CNTLN: variants seen among roughly 807,000 people sequenced by gnomAD.
The protein encoded by CNTLN is centlein, centrosomal protein.
Under a neutral mutation model 180.0 loss-of-function variants are expected in CNTLN, and 212 were observed. The ratio of observed to expected loss-of-function variants is 1.18; its 90% CI spans 1.05 to 1.32. The LOEUF is 1.32. CNTLN is among the 40% of genes most tolerant of loss of function. The pLI is 0.00. For missense variants in CNTLN, 2,095 were observed against 1,610.9 expected (o/e 1.30, Z -5.14); for synonymous variants, 722 against 563.1 (o/e 1.28, Z -3.99).
At chr9:17,452,270 T>G (rs1830830166) in intron 18 of CNTLN, among the ~76,000 whole-genome samples, 1 of 152,200 alleles carries the variant, frequency 6.6e-6, no homozygotes, top group Admixed American at 6.5e-5. Context: ...AACATTAAAA[T>G]GTTTACCAGG....
intron 15 of CNTLN, 112 bp downstream of exon 15, chr9:17,395,181 T>G: frequency 7.1e-7 from 1 of 1,406,726 alleles, no homozygotes; most frequent in Non-Finnish European, 9.4e-7. Context: ...GAAAAAATAC[T>G]GTCAGATCCT....
intron 13 of CNTLN, among the ~76,000 whole-genome samples, chr9:17,375,871 C>T (rs886422330): frequency 3.3e-5 from 5 of 152,072 alleles, no homozygotes; most frequent in African/African-American, 1.2e-4. Flanking sequence ...AACTATATTT[C>T]GTATATAACT....
At position 17,394,675 on chromosome 9, in the gene CNTLN, A is replaced by T. The variant is rs1192502033; in HGVS notation, c.2221A>T (p.Lys741Ter). ...ACAAGAAGATACAGAGACCAGAGAA[A>T]AAGAGCTAGAACAGATAATAAAGGG... ...QQQEDTETRE[K>*]ELEQIIKGSK... The change falls in exon 15 of 26, where the codon AAA (lysine) becomes TAA (stop). Residue 741 changes from lysine to a stop codon, truncating the protein, a stop_gained. Transcript: ENST00000380647. LOFTEE classifies it high-confidence loss of function. 1 of 1,613,204 alleles carries T rather than the reference A, an allele frequency of 6.2e-7. No individual in the cohort carries two copies.
intron 6 of CNTLN, among the ~76,000 whole-genome samples, chr9:17,292,501 T>A (rs1161109016): frequency 6.6e-6 from 1 of 152,142 alleles, no homozygotes; most frequent in East Asian, 1.9e-4. Flanking sequence ...TTGTTTCTTT[T>A]CATTCTTTTT....
intron 16 of CNTLN, among the ~76,000 whole-genome samples, chr9:17,412,963 C>T (rs967079284): frequency 1.3e-5 from 2 of 152,078 alleles, no homozygotes; most frequent in African/African-American, 2.4e-5. Flanking sequence ...GTACCCAGAT[C>T]TAAATTTTAG....
chr9:17,485,601 G>A (rs1564145092), intron 24 of CNTLN, among the ~76,000 whole-genome samples: 1 of 152,086 alleles, frequency 6.6e-6, no homozygotes, highest in Non-Finnish European at 1.5e-5. Context: ...ATTAAAATAT[G>A]TCGATTGATG....
Position 17,502,776 on chromosome 9 carries a change from T to C in CNTLN, c.*124T>C. ...TCAATAGTCAGGTTCAATACCAAAA[T>C]AAGAAGTCTCTGAAAATAATTAATT... On this transcript the variant is annotated 3_prime_UTR_variant, in exon 26 of 26. Transcript: ENST00000380647. 1 of 419,988 alleles carries C rather than the reference T, an allele frequency of 2.4e-6. No homozygotes were observed. The highest frequency in any genetic ancestry group is 4.3e-6 in the Non-Finnish European group (1 of 230,024). The allele number at this position is 419,988 out of a possible 1,614,324, so 26.0% of individuals were successfully genotyped here.
At chr9:17,476,336 A>G (rs1339436243) in intron 23 of CNTLN, among the ~76,000 whole-genome samples, 1 of 152,184 alleles carries the variant, frequency 6.6e-6, no homozygotes, top group Non-Finnish European at 1.5e-5. Flanking sequence ...AGTTAGGCCA[A>G]CTAATAATTC....
chr9:17,497,588 G>T (rs1833529030), intron 25 of CNTLN, among the ~76,000 whole-genome samples: 1 of 152,060 alleles, frequency 6.6e-6, no homozygotes, highest in Non-Finnish European at 1.5e-5. Flanking sequence ...ACAACTTCTA[G>T]AGTAATTCAA....
chr9:17,221,539 T>C (rs929799416), intron 2 of CNTLN, among the ~76,000 whole-genome samples: 2 of 152,104 alleles, frequency 1.3e-5, no homozygotes, highest in African/African-American at 4.8e-5. Flanking sequence ...CATCATAATA[T>C]ACATGTTTGC....
chr9:17,184,199 T>G (rs2131748167), intron 2 of CNTLN, among the ~76,000 whole-genome samples: 2 of 152,298 alleles, frequency 1.3e-5, no homozygotes, highest in Middle Eastern at 6.8e-3. Flanking sequence ...ACAAACGGAC[T>G]TATTCGAATC....
At chr9:17,367,822 G>A (rs753592081) in intron 13 of CNTLN, among the ~76,000 whole-genome samples, 1 of 152,028 alleles carries the variant, frequency 6.6e-6, no homozygotes, top group Admixed American at 6.6e-5. Context: ...AAGAGCCCTT[G>A]GGCCCTGAAT....
chr9:17,226,095 G>T, intron 2 of CNTLN, 108 bp from the exon 3 acceptor site: 1 of 557,904 alleles, frequency 1.8e-6, no homozygotes, highest in South Asian at 3.1e-5. Context: ...GTCAACTCAA[G>T]ATGATTTAAT....
chr9:17,277,602 A>G (rs1587460349), intron 6 of CNTLN, among the ~76,000 whole-genome samples: 2 of 152,122 alleles, frequency 1.3e-5, no homozygotes, highest in East Asian at 3.9e-4. Flanking sequence ...AATCCTAGTT[A>G]TTTGGTAAAA....
At position 17,135,411 on chromosome 9, in the gene CNTLN, T is replaced by A. The variant is rs1426482217; in HGVS notation, c.346T>A (p.Leu116Met). The A allele has an allele frequency of 6.3e-7, 1 of 1,596,696 alleles. No homozygotes were observed. ...AGAGCTGAGCAGCCTAAAGGAGGAG[T>A]TGGCCCTGTGTCAGGTATCGAGGAG... Reference protein sequence around the residue: ...EEELSSLKEELALCQADKEFV... With the variant: ...EEELSSLKEEMALCQADKEFV... Residue 116 changes from leucine to methionine, a missense_variant, in exon 1 of 26, where the codon TTG becomes ATG. Coordinates refer to ENST00000380647, the MANE Select transcript of CNTLN (RefSeq NM_017738.4).
chr9:17,312,386 T>TATA (rs1164263351), intron 8 of CNTLN, among the ~76,000 whole-genome samples: 1 of 123,334 alleles, frequency 8.1e-6, no homozygotes, highest in African/African-American at 3.0e-5. Context: ...ATATATATAA[T>TATA]TTATTTATTT....
intron 2 of CNTLN, among the ~76,000 whole-genome samples, chr9:17,220,161 C>T (rs74659362): frequency 0.047 from 7,151 of 152,138 alleles, 219 homozygotes; most frequent in East Asian, 0.17. Context: ...GATGATGATG[C>T]TCGTGCTCTG....
At chr9:17,463,630 G>A (rs1054485614) in intron 20 of CNTLN, among the ~76,000 whole-genome samples, 2 of 151,554 alleles carry the variant, frequency 1.3e-5, no homozygotes, top group African/African-American at 4.8e-5. Context: ...TAAGTGAAGA[G>A]CACTTAAAAG....
chr9:17,394,725 T>C lies in CNTLN; in HGVS notation c.2271T>C (p.Asn757=). Residue 757 remains asparagine, a synonymous_variant, in exon 15 of 26, where the codon AAT becomes AAC. Coordinates refer to ENST00000380647, the MANE Select transcript of CNTLN (RefSeq NM_017738.4). ...GGAGTAAAGATGTAGAAAAAGAAAA[T>C]ACTGAACTTCAAGTAAAAATCAGTG... ...IKGSKDVEKE[N]TELQVKISEL... is the part of the protein sequence containing the mutation. 6.2e-7 allele frequency: 1 copy of C among 1,613,730 alleles called. No individual in the cohort carries two copies. Among genetic ancestry groups the C allele is most frequent in the Non-Finnish European group, 8.5e-7 (1 of 1,179,922 alleles).
Sources: allele counts gnomAD v4.1 joint callset (sites outside exome capture counted in the v4.1 genomes callset), GRCh38; gene constraint gnomAD v4.1.1; transcripts MANE v1.5; gene names NCBI Gene and HGNC (gene_info 2026-07-23, HGNC 2026-07-21).